The following GRM8 variants were observed in gnomAD, a reference collection of about 807,000 sequenced individuals.
The protein encoded by GRM8 is metabotropic glutamate receptor 8.
GRM8 carries 47 observed loss-of-function variants against 87.2 expected under a neutral mutation model. That is an observed-to-expected ratio of 0.54 (90% confidence interval 0.43 to 0.69). The LOEUF is 0.69. Among genes scored for constraint, GRM8 ranks in the 30% least tolerant of loss-of-function variants. The probability of loss-of-function intolerance (pLI) is 0.00; values close to 1 mark genes in which losing one functional copy is unlikely to be tolerated. For synonymous variants in GRM8, 396 were observed against 404.5 expected, an observed-to-expected ratio of 0.98 and a Z score of 0.25; for missense variants, 1,019 against 1,139.2, an observed-to-expected ratio of 0.89 and a Z score of 1.52.
intron 2 of GRM8, among the ~76,000 whole-genome samples, chr7:127,149,159 A>T (rs1828712754): frequency 6.6e-6 from 1 of 152,084 alleles, no homozygotes; most frequent in Admixed American, 6.6e-5. Context: ...GGGAAAAAAA[A>T]TACTGCAAAC....
intron 9 of GRM8, among the ~76,000 whole-genome samples, chr7:126,461,158 T>C (rs1803854394): frequency 2.6e-5 from 4 of 151,500 alleles, no homozygotes; most frequent in Admixed American, 2.6e-4. Flanking sequence ...GACTGAGTCT[T>C]CTCTTACTGA....
intron 2 of GRM8, among the ~76,000 whole-genome samples, chr7:127,139,912 C>G (rs937232711): frequency 3.3e-5 from 5 of 152,226 alleles, no homozygotes; most frequent in Non-Finnish European, 7.4e-5. Flanking sequence ...CGACAATGTG[C>G]CACTCATGCT....
chr7:126,594,853 A>G (rs1396108172), intron 8 of GRM8, among the ~76,000 whole-genome samples: 3 of 152,138 alleles, frequency 2.0e-5, no homozygotes, highest in Admixed American at 1.3e-4. Flanking sequence ...TTATCTGTCC[A>G]TTAAGAAATG....
chr7:127,218,010 C>G (rs1422474918), intron 2 of GRM8, among the ~76,000 whole-genome samples: 1 of 152,196 alleles, frequency 6.6e-6, no homozygotes, highest in Non-Finnish European at 1.5e-5. Context: ...TACCATCCAA[C>G]CCCCCAGAGC....
chr7:126,535,638 G>T (rs2150870938), intron 8 of GRM8, among the ~76,000 whole-genome samples: 1 of 152,324 alleles, frequency 6.6e-6, no homozygotes, highest in Non-Finnish European at 1.5e-5. Flanking sequence ...TAGGTTGCAG[G>T]TCGCTGCCAT....
intron 6 of GRM8, among the ~76,000 whole-genome samples, chr7:126,806,553 G>C (rs2151726085): frequency 6.6e-6 from 1 of 152,328 alleles, no homozygotes; most frequent in African/African-American, 2.4e-5. Flanking sequence ...GGTCCGTTTT[G>C]ACAGAGTGCT....
chr7:127,050,759 C>T (rs1327897204), intron 3 of GRM8, among the ~76,000 whole-genome samples: 2 of 152,154 alleles, frequency 1.3e-5, no homozygotes, highest in African/African-American at 4.8e-5. Flanking sequence ...GTAACATTTC[C>T]CTTTTTACTT....
intron 9 of GRM8, among the ~76,000 whole-genome samples, chr7:126,477,189 G>T (rs1004561738): frequency 5.3e-5 from 8 of 152,070 alleles, no homozygotes; most frequent in African/African-American, 1.9e-4. Flanking sequence ...ATCTAAAAAA[G>T]TTGAACTTAT....
chr7:126,994,095 G>A (rs1013889887), intron 3 of GRM8, among the ~76,000 whole-genome samples: 4 of 152,172 alleles, frequency 2.6e-5, no homozygotes, highest in Admixed American at 6.5e-5. Flanking sequence ...TCTACTTGAG[G>A]AGAGGAGACA....
intron 7 of GRM8, among the ~76,000 whole-genome samples, chr7:126,711,488 T>G (rs1811090067): frequency 6.6e-6 from 1 of 152,220 alleles, no homozygotes; most frequent in African/African-American, 2.4e-5. Context: ...AGCATAATTC[T>G]TAAGAGCCCT....
At chr7:127,026,622 T>C (rs1816805862) in intron 3 of GRM8, among the ~76,000 whole-genome samples, 1 of 152,220 alleles carries the variant, frequency 6.6e-6, no homozygotes, top group Non-Finnish European at 1.5e-5. Context: ...TTTTTTCATG[T>C]GTTTTTTGGC....
intron 2 of GRM8, among the ~76,000 whole-genome samples, chr7:127,109,274 C>T (rs764037372): frequency 6.6e-6 from 1 of 152,016 alleles, no homozygotes; most frequent in Non-Finnish European, 1.5e-5. Flanking sequence ...AAAAGCATCC[C>T]AAGAAAAGAA....
chr7:127,173,121 C>A (rs940829612), intron 2 of GRM8, among the ~76,000 whole-genome samples: 3 of 152,194 alleles, frequency 2.0e-5, no homozygotes, highest in Non-Finnish European at 4.4e-5. Flanking sequence ...TTCATGCCGT[C>A]TGGAAGGTTG....
chr7:126,477,561 GAGAAAGAAAGAAAGAAAGAGAGAAAGAA>G (rs1297802035), intron 9 of GRM8, among the ~76,000 whole-genome samples: 16 of 114,388 alleles, frequency 1.4e-4, no homozygotes, highest in African/African-American at 4.6e-4. Context: ...GGAGAAGTAA[GAGAAAGAAAGAAAGAAAGAGAGAAAGAA>G]AGAAAGAAAG....
chr7:126,482,051 A>G (rs1258681172), intron 9 of GRM8, among the ~76,000 whole-genome samples: 1 of 152,082 alleles, frequency 6.6e-6, no homozygotes, highest in Non-Finnish European at 1.5e-5. Flanking sequence ...AAGCATATAA[A>G]ATGATGCACA....
intron 8 of GRM8, among the ~76,000 whole-genome samples, chr7:126,537,551 C>T (rs1279386522): frequency 6.6e-6 from 1 of 152,054 alleles, no homozygotes; most frequent in Non-Finnish European, 1.5e-5. Flanking sequence ...CCAAGGCAGG[C>T]GGATCACAAG....
chr7:126,520,941 C>T (rs1812899371), intron 9 of GRM8, among the ~76,000 whole-genome samples: 1 of 151,928 alleles, frequency 6.6e-6, no homozygotes, highest in Admixed American at 6.6e-5. Flanking sequence ...CGATAAATTG[C>T]CATTTGATTG....
chr7:126,899,959 G>C (rs1326972629), intron 6 of GRM8, among the ~76,000 whole-genome samples: 5 of 151,850 alleles, frequency 3.3e-5, no homozygotes, highest in East Asian at 3.9e-4. Flanking sequence ...GAAACCTCAC[G>C]CACCTGTCTT....
intron 2 of GRM8, among the ~76,000 whole-genome samples, chr7:127,212,930 G>A (rs1796310723): frequency 1.3e-5 from 2 of 152,118 alleles, no homozygotes; most frequent in African/African-American, 4.8e-5. Flanking sequence ...TAAATTCTGA[G>A]GTCCTGAATC....
Sources: gnomAD v4.1 joint callset for allele counts (sites outside exome capture counted in the v4.1 genomes callset) on GRCh38, gnomAD v4.1.1 for gene constraint, MANE v1.5 for transcripts, NCBI Gene and HGNC (gene_info 2026-07-23, HGNC 2026-07-21) for gene names.